PTPRD: variants seen among roughly 807,000 people sequenced by gnomAD.
PTPRD encodes the protein receptor-type tyrosine-protein phosphatase delta.
Under a neutral mutation model 214.5 loss-of-function variants are expected in PTPRD, and 34 were observed. The ratio of observed to expected loss-of-function variants is 0.16; its 90% CI spans 0.12 to 0.21. The LOEUF (loss-of-function observed/expected upper bound fraction) is 0.21. Ranked by LOEUF, PTPRD falls within the 10% of genes least tolerant of loss-of-function variation. PTPRD has a pLI of 1.00. For synonymous variants in PTPRD, 1,128 were observed against 845.7 expected (o/e 1.33, Z -5.79); for missense variants, 2,545 against 2,398.7 (o/e 1.06, Z -1.27).
intron 11 of PTPRD, among the ~76,000 whole-genome samples, chr9:8,966,820 A>G (rs1289400802): frequency 6.6e-6 from 1 of 152,146 alleles, no homozygotes; most frequent in African/African-American, 2.4e-5. Context: ...TAAACAGACA[A>G]CCTACAGAAG....
At chr9:10,516,324 T>C (rs1296628709) in intron 2 of PTPRD, among the ~76,000 whole-genome samples, 1 of 151,924 alleles carries the variant, frequency 6.6e-6, no homozygotes, top group Non-Finnish European at 1.5e-5. Context: ...TGACAATTAG[T>C]GATGTTGAGC....
At position 8,523,558 on chromosome 9, in the gene PTPRD, A is replaced by G. The variant is rs370448908; in HGVS notation, c.680-34T>C. 10 of 1,611,800 alleles carry G rather than the reference A, an allele frequency of 6.2e-6. No individual in the cohort carries two copies. In the African/African-American group the frequency reaches 9.4e-5, roughly 15 times the overall value. On this transcript the variant is annotated intron_variant, in intron 18 of 45. Transcript: ENST00000381196. ...TGTAGGGGGTTTGATGCAGAACACA[A>G]TGAAATGAGGAAAGGAGAAAAACAA...
intron 9 of PTPRD, among the ~76,000 whole-genome samples, chr9:9,236,378 A>C (rs2099966743): frequency 6.6e-6 from 1 of 152,114 alleles, no homozygotes; most frequent in East Asian, 1.9e-4. Context: ...GGAGTATAAA[A>C]GCTAGCCTTA....
chr9:10,044,538 C>G (rs1433215582), intron 3 of PTPRD, among the ~76,000 whole-genome samples: 3 of 151,748 alleles, frequency 2.0e-5, no homozygotes, highest in Non-Finnish European at 4.4e-5. Flanking sequence ...TACAGGGAAT[C>G]TAGATTTGAG....
chr9:9,453,189 C>T (rs559743442), intron 8 of PTPRD, among the ~76,000 whole-genome samples: 64 of 151,296 alleles, frequency 4.2e-4, no homozygotes, highest in Non-Finnish European at 7.4e-4. Context: ...AATGTTATGC[C>T]GGACATATTT....
At chr9:10,014,647 G>C (rs2096664821) in intron 4 of PTPRD, among the ~76,000 whole-genome samples, 1 of 151,996 alleles carries the variant, frequency 6.6e-6, no homozygotes. Context: ...AGAGGAAGCT[G>C]ACTTTACAGA....
intron 3 of PTPRD, among the ~76,000 whole-genome samples, chr9:10,268,118 T>C (rs1053336124): frequency 6.9e-6 from 1 of 144,174 alleles, no homozygotes; most frequent in Admixed American, 6.9e-5. Flanking sequence ...TCTCCATCTT[T>C]TTTTTTTTTT....
At chr9:9,138,268 C>G (rs1329380574) in intron 10 of PTPRD, among the ~76,000 whole-genome samples, 3 of 151,914 alleles carry the variant, frequency 2.0e-5, no homozygotes, top group African/African-American at 7.3e-5. Flanking sequence ...TTATCATCTC[C>G]TAAATAGGGA....
intron 14 of PTPRD, among the ~76,000 whole-genome samples, chr9:8,593,965 T>G (rs2094307600): frequency 6.6e-6 from 1 of 152,176 alleles, no homozygotes; most frequent in South Asian, 2.1e-4. Context: ...TATATGCATA[T>G]CTCATATATT....
rs1244950840 is a variant in PTPRD, at chr9:9,915,629, C to T, written c.-368+22878G>A. On this transcript the variant is annotated intron_variant, in intron 5 of 45. Coordinates refer to ENST00000381196, the MANE Select transcript of PTPRD (RefSeq NM_002839.4). ...AGAACTTTAACAACAGGCTAGACCACCAAGCAGAAGAAACAAATTTCTGAC... is the reference window on the plus strand; with the variant it reads ...AGAACTTTAACAACAGGCTAGACCATCAAGCAGAAGAAACAAATTTCTGAC... Among the ~76,000 whole-genome samples the T allele has an allele frequency of 4.0e-5, 6 of 149,378 alleles. No homozygotes were observed. In the Admixed American group the frequency reaches 4.0e-4, roughly 10 times the overall value.
At chr9:8,319,063 C>A (rs1824602292) in intron 45 of PTPRD, among the ~76,000 whole-genome samples, 1 of 152,004 alleles carries the variant, frequency 6.6e-6, no homozygotes, top group Non-Finnish European at 1.5e-5. Context: ...CTCTGTAACC[C>A]CTAAGACCCA....
intron 9 of PTPRD, among the ~76,000 whole-genome samples, chr9:9,343,836 T>G (rs1035575945): frequency 1.3e-5 from 2 of 152,070 alleles, no homozygotes; most frequent in East Asian, 1.9e-4. Flanking sequence ...TCTCTTTTCT[T>G]CCCAGTTTCA....
chr9:10,013,324 T>C (rs1373535700), intron 4 of PTPRD, among the ~76,000 whole-genome samples: 1 of 151,890 alleles, frequency 6.6e-6, no homozygotes, highest in African/African-American at 2.4e-5. Context: ...AATCAAAGAA[T>C]AAAATTAAAT....
At chr9:9,368,066 T>C (rs1238359155) in intron 9 of PTPRD, among the ~76,000 whole-genome samples, 1 of 151,740 alleles carries the variant, frequency 6.6e-6, no homozygotes, top group Non-Finnish European at 1.5e-5. Context: ...AACTACTCAA[T>C]ATGGATCCCA....
intron 2 of PTPRD, among the ~76,000 whole-genome samples, chr9:10,417,253 C>T (rs901333895): frequency 6.6e-6 from 1 of 151,934 alleles, no homozygotes; most frequent in Non-Finnish European, 1.5e-5. Context: ...ATCTTCAAAA[C>T]TTATTACATT....
intron 3 of PTPRD, among the ~76,000 whole-genome samples, chr9:10,211,992 T>C (rs552281994): frequency 2.6e-4 from 40 of 152,290 alleles, no homozygotes; most frequent in Middle Eastern, 3.4e-3. Context: ...ATTTTGTCCA[T>C]ACGATTGAAT....
intron 10 of PTPRD, among the ~76,000 whole-genome samples, chr9:9,133,529 A>T (rs536296272): frequency 6.6e-6 from 1 of 152,338 alleles, no homozygotes; most frequent in African/African-American, 2.4e-5. Flanking sequence ...TTTCATAAAC[A>T]AAGTAATGTG....
At chr9:9,253,368 G>C (rs1051290683) in intron 9 of PTPRD, among the ~76,000 whole-genome samples, 11 of 151,890 alleles carry the variant, frequency 7.2e-5, no homozygotes, top group Non-Finnish European at 8.8e-5. Flanking sequence ...GTCGAGTCTA[G>C]AAATTATTGG....
In PTPRD at chr9:9,380,514, T is replaced by G. The variant is rs544012644; in HGVS notation, c.-203+16935A>C. ...AATTTTCCAGTTATCTTTCTGTTAT[T>G]GATTTATAGTTTGATTTGTGATATG... is the stretch of plus-strand genomic sequence containing the variant. On this transcript the variant is annotated intron_variant, in intron 9 of 45. Transcript: ENST00000381196. 9.2e-5 allele frequency among the ~76,000 whole-genome samples: 14 copies of G among 152,192 alleles called. No individual in the cohort carries two copies. In the South Asian group the frequency reaches 1.7e-3, roughly 18 times the overall value.
Sources: gnomAD v4.1 joint callset for allele counts (sites outside exome capture counted in the v4.1 genomes callset) on GRCh38, gnomAD v4.1.1 for gene constraint, MANE v1.5 for transcripts, NCBI Gene and HGNC (gene_info 2026-07-23, HGNC 2026-07-21) for gene names.